Variants in NFIC observed in about 807,000 individuals in gnomAD.
NFIC encodes the protein nuclear factor I C, also known as nuclear factor 1 C-type.
Under a neutral mutation model 54.4 loss-of-function variants are expected in NFIC, and 12 were observed. That is an observed-to-expected ratio of 0.22 (90% CI 0.14 to 0.36). The LOEUF is 0.36. Among genes scored for constraint, NFIC ranks in the 10% least tolerant of loss-of-function variants. The probability of loss-of-function intolerance (pLI) is 1.00; values close to 1 mark genes in which losing one functional copy is unlikely to be tolerated. For synonymous variants in NFIC, 322 were observed against 319.2 expected (o/e 1.01, Z -0.09); for missense variants, 575 against 718.2 (o/e 0.80, Z 2.28).
At chr19:3,404,190 G>T (rs1487261798) in intron 2 of NFIC, among the ~76,000 whole-genome samples, 2 of 145,208 alleles carry the variant, frequency 1.4e-5, no homozygotes, top group African/African-American at 2.6e-5. Context: ...TGTTGGGGGT[G>T]GGGGTGTGGG....
chr19:3,388,105 C>CGCCTT (rs1044854340), intron 2 of NFIC, among the ~76,000 whole-genome samples: 1 of 152,152 alleles, frequency 6.6e-6, no homozygotes, highest in African/African-American at 2.4e-5. Flanking sequence ...CTCCTGTTCC[C>CGCCTT]GCCTTGCGTC....
chr19:3,443,068 G>A (rs2082317927), intron 6 of NFIC, among the ~76,000 whole-genome samples: 1 of 152,220 alleles, frequency 6.6e-6, no homozygotes, highest in Non-Finnish European at 1.5e-5. Context: ...GCCCAGGACA[G>A]CCCCTCCCCA....
intron 2 of NFIC, among the ~76,000 whole-genome samples, chr19:3,386,314 CTTTTTT>C (rs35622819): frequency 7.2e-5 from 5 of 69,112 alleles, no homozygotes; most frequent in African/African-American, 2.6e-4. Context: ...TGCTGTATGC[CTTTTTT>C]TTTTTTTTTT....
At chr19:3,413,726 C>A (rs895786366) in intron 2 of NFIC, among the ~76,000 whole-genome samples, 1 of 151,968 alleles carries the variant, frequency 6.6e-6, no homozygotes, top group Non-Finnish European at 1.5e-5. Context: ...TGCAGCCATC[C>A]CCCGGGTTCA....
chr19:3,377,333 C>CAAA (rs71164684), intron 1 of NFIC, among the ~76,000 whole-genome samples: 29,261 of 57,704 alleles, frequency 0.51, 9,050 homozygotes, highest in Non-Finnish European at 0.62. Flanking sequence ...GACTCTGTCT[C>CAAA]AAAAAAAAAA....
intron 1 of NFIC, among the ~76,000 whole-genome samples, chr19:3,373,238 T>G (rs78255403): frequency 0.021 from 3,203 of 152,286 alleles, 101 homozygotes; most frequent in African/African-American, 0.072. Flanking sequence ...TCCTGGCCCC[T>G]CTGGCTCAGC....
At chr19:3,383,218 C>T (rs1389904448) in intron 2 of NFIC, among the ~76,000 whole-genome samples, 5 of 152,110 alleles carry the variant, frequency 3.3e-5, no homozygotes, top group South Asian at 2.1e-4. Context: ...CCAGCAGAGG[C>T]CTGATGAGCC....
chr19:3,366,622 C>G lies in NFIC; in HGVS notation c.-15C>G, dbSNP rs772251298. ...GCCCGCTCCGGCCGGCCCTGCGCCT[C>G]CCGCCGCGCCCGGGATGTATTCGTC... On this transcript the variant is annotated 5_prime_UTR_variant, in exon 1 of 11. Coordinates refer to ENST00000443272, the MANE Select transcript of NFIC (RefSeq NM_001245002.2). 6 of 1,501,020 alleles carry G rather than the reference C, an allele frequency of 4.0e-6. No homozygotes were observed. In the South Asian group the frequency reaches 7.8e-5, roughly 19 times the overall value. The allele number at this position is 1,501,020 out of a possible 1,614,324, so 93.0% of individuals were successfully genotyped here. A position where few individuals can be genotyped will look rare whatever the true frequency, so the allele number is the denominator to read the frequency against.
chr19:3,443,556 A>G (rs548224259), intron 6 of NFIC, among the ~76,000 whole-genome samples: 2 of 152,036 alleles, frequency 1.3e-5, no homozygotes, highest in East Asian at 3.9e-4. Flanking sequence ...TCCCCACTCA[A>G]GGTGTGGATT....
Position 3,375,300 on chromosome 19 carries a change from G to T in NFIC, c.31-6412G>T, listed in dbSNP as rs992421304. 2.6e-5 allele frequency among the ~76,000 whole-genome samples: 4 copies of T among 152,236 alleles called. No homozygotes were observed. Among genetic ancestry groups the T allele is most frequent in the African/African-American group, 9.6e-5 (4 of 41,556 alleles). On this transcript the variant is annotated intron_variant, in intron 1 of 10. Coordinates refer to ENST00000443272, the MANE Select transcript of NFIC (RefSeq NM_001245002.2). The surrounding 1 kb of genome is among the most constrained non-coding windows in gnomAD (Gnocchi z 4.6). ...ACAACATTGTCCGGGCCTCCTGCCC[G>T]CCTGGCATCTCCTCCACAGGCAGGT...
chr19:3,417,387 C>A (rs980875401), intron 2 of NFIC, among the ~76,000 whole-genome samples: 3 of 152,126 alleles, frequency 2.0e-5, no homozygotes, highest in African/African-American at 7.2e-5. Context: ...ACCAACCTTA[C>A]AAATTGAGCA....
chr19:3,367,300 C>T (rs1267128046), intron 1 of NFIC, among the ~76,000 whole-genome samples: 1 of 152,170 alleles, frequency 6.6e-6, no homozygotes, highest in Non-Finnish European at 1.5e-5. Flanking sequence ...GCTGGGTCCC[C>T]CCTCCTTTGC....
chr19:3,408,075 G>A (rs1018299241), intron 2 of NFIC, among the ~76,000 whole-genome samples: 28 of 152,066 alleles, frequency 1.8e-4, no homozygotes, highest in African/African-American at 5.6e-4. Flanking sequence ...GTTGGGAGGC[G>A]GACGTGGCAG....
At chr19:3,446,943 T>C (rs2082381807) in intron 6 of NFIC, among the ~76,000 whole-genome samples, 1 of 151,944 alleles carries the variant, frequency 6.6e-6, no homozygotes, top group Admixed American at 6.6e-5. Flanking sequence ...GGAGGATCAC[T>C]TAAGCCCAGG....
At position 3,462,917 on chromosome 19, in the gene NFIC, C is replaced by G; in HGVS notation, c.*148C>G. The stretch of plus-strand genomic sequence containing the variant: ...CCAGCCCGGCCAAAAAGACAAAACA[C>G]ATAGACGCACACACTCAGGAGGAAA... On this transcript the variant is annotated 3_prime_UTR_variant, in exon 11 of 11. Coordinates refer to ENST00000443272, the MANE Select transcript of NFIC (RefSeq NM_001245002.2). The G allele has an allele frequency of 6.5e-7, 1 of 1,533,128 alleles. No individual in the cohort carries two copies. Among genetic ancestry groups the G allele is most frequent in the Non-Finnish European group, 8.7e-7 (1 of 1,148,552 alleles). The allele number at this position is 1,533,128 out of a possible 1,614,324, so 95.0% of individuals were successfully genotyped here.
chr19:3,454,720 C>T (rs1322772458), intron 9 of NFIC, among the ~76,000 whole-genome samples: 1 of 151,310 alleles, frequency 6.6e-6, no homozygotes, highest in African/African-American at 2.4e-5. Flanking sequence ...ATCTGCCCCT[C>T]ACCCCCCTTT....
chr19:3,385,229 C>T (rs914501814), intron 2 of NFIC, among the ~76,000 whole-genome samples: 1 of 150,974 alleles, frequency 6.6e-6, no homozygotes, highest in South Asian at 2.1e-4. Flanking sequence ...CACCTGCCCA[C>T]TGCGGGTGCT....
intron 2 of NFIC, among the ~76,000 whole-genome samples, chr19:3,424,663 G>A (rs1387184771): frequency 6.6e-6 from 1 of 152,192 alleles, no homozygotes; most frequent in Non-Finnish European, 1.5e-5. Context: ...GATTACAGGC[G>A]TGAGCCACCG....
At chr19:3,386,598 C>T (rs2081300912) in intron 2 of NFIC, among the ~76,000 whole-genome samples, 1 of 152,136 alleles carries the variant, frequency 6.6e-6, no homozygotes, top group African/African-American at 2.4e-5. Context: ...GCTGGGATGA[C>T]AGGCGTGAGC....
Sources: gnomAD v4.1 joint callset for allele counts (sites outside exome capture counted in the v4.1 genomes callset) on GRCh38, gnomAD v4.1.1 for gene constraint, Gnocchi (gnomAD v3.1) non-coding constraint, MANE v1.5 for transcripts, NCBI Gene and HGNC (gene_info 2026-07-23, HGNC 2026-07-21) for gene names.